Variants in ZDHHC13 observed in about 807,000 individuals in gnomAD.
ZDHHC13 encodes the protein zDHHC palmitoyltransferase 13, also known as palmitoyltransferase ZDHHC13.
ZDHHC13 carries 85 observed loss-of-function variants against 86.0 expected under a neutral mutation model. The ratio of observed to expected loss-of-function variants is 0.99; its 90% CI spans 0.83 to 1.18. The LOEUF (loss-of-function observed/expected upper bound fraction) is 1.18. Ranked by LOEUF, ZDHHC13 falls within the 50% of genes most tolerant of loss-of-function variation. The pLI, the probability that ZDHHC13 is intolerant of heterozygous loss-of-function variation, is 0.00. For missense variants in ZDHHC13, 711 were observed against 730.2 expected, an observed-to-expected ratio of 0.97 and a Z score of 0.30; for synonymous variants, 263 against 246.4, an observed-to-expected ratio of 1.07 and a Z score of -0.63.
Position 19,152,542 on chromosome 11 carries a change from C to G in ZDHHC13, c.748-17C>G. On this transcript the variant is annotated splice_polypyrimidine_tract_variant and intron_variant, in intron 7 of 16. Coordinates refer to ENST00000446113, the MANE Select transcript of ZDHHC13 (RefSeq NM_019028.3). ...ATTAAAAATACTTTTAAACTTTTTA[C>G]CCTACTCTTTTTTAAGGGAGAAACA... The G allele has an allele frequency of 6.3e-7, 1 of 1,581,910 alleles. No homozygotes were observed. The highest frequency in any genetic ancestry group is 1.4e-5 in the African/African-American group (1 of 73,180).
At chr11:19,135,683 T>A (rs1326697254) in intron 1 of ZDHHC13, among the ~76,000 whole-genome samples, 1 of 152,234 alleles carries the variant, frequency 6.6e-6, no homozygotes, top group African/African-American at 2.4e-5. Context: ...GTCTGACAGC[T>A]TTGAAGAGAG....
rs558879203 is a variant in ZDHHC13, at chr11:19,135,538, C to A, written c.28-7440C>A. 1.1e-3 allele frequency among the ~76,000 whole-genome samples: 171 copies of A among 152,384 alleles called. 1 individual carries two copies. Among genetic ancestry groups the A allele is most frequent in the African/African-American group, 4.0e-3 (167 of 41,594 alleles). On this transcript the variant is annotated intron_variant, in intron 1 of 16. Transcript: ENST00000446113. Reference sequence around the variant, plus strand: ...CCCAGGCTTGCTGAGGTAAACAAAGCAGCCGGGAAGCTCGAACTGGGTGGA... The same window carrying A: ...CCCAGGCTTGCTGAGGTAAACAAAGAAGCCGGGAAGCTCGAACTGGGTGGA...
chr11:19,155,960 A>C, intron 9 of ZDHHC13, 31 bp downstream of exon 9: 1 of 1,572,854 alleles, frequency 6.4e-7, no homozygotes, highest in Non-Finnish European at 8.6e-7. Flanking sequence ...AAGGCTGGTT[A>C]TTGTGTTTCT....
intron 1 of ZDHHC13, among the ~76,000 whole-genome samples, chr11:19,120,034 C>G (rs1848729211): frequency 6.6e-6 from 1 of 152,058 alleles, no homozygotes; most frequent in Non-Finnish European, 1.5e-5. Context: ...AAATTAATGC[C>G]CACTGTAACT....
intron 14 of ZDHHC13, chr11:19,166,673 T>C: frequency 4.9e-6 from 1 of 204,786 alleles, no homozygotes; most frequent in Non-Finnish European, 9.5e-6. Context: ...AGAAGGAAAG[T>C]CAGCTGCTGA....
At chr11:19,142,583 C>G (rs1456268581) in intron 1 of ZDHHC13, among the ~76,000 whole-genome samples, 2 of 152,174 alleles carry the variant, frequency 1.3e-5, no homozygotes, top group African/African-American at 4.8e-5. Flanking sequence ...AGCAATGGTC[C>G]TCTGCCCACT....
At chr11:19,118,958 A>G (rs1590055520) in intron 1 of ZDHHC13, 1 of 152,340 alleles carries the variant, frequency 6.6e-6, no homozygotes, top group East Asian at 1.9e-4. Flanking sequence ...TCTGCCAGGC[A>G]CCGTTTTAGG....
chr11:19,164,287 T>G lies in ZDHHC13; in HGVS notation c.1234-14T>G. The G allele has an allele frequency of 1.2e-6, 2 of 1,612,556 alleles. No homozygotes were observed. The highest frequency in any genetic ancestry group is 1.7e-6 in the Non-Finnish European group (2 of 1,179,294). On this transcript the variant is annotated splice_polypyrimidine_tract_variant and intron_variant, in intron 11 of 16. Coordinates refer to ENST00000446113, the MANE Select transcript of ZDHHC13 (RefSeq NM_019028.3). The stretch of plus-strand genomic sequence containing the variant: ...AATAAAATGTGGTAATAGGTCAAAC[T>G]TCATGTCTTTCAGAATATCATCACC...
chr11:19,139,267 A>C (rs1327752873), intron 1 of ZDHHC13, among the ~76,000 whole-genome samples: 3 of 152,166 alleles, frequency 2.0e-5, no homozygotes, highest in Non-Finnish European at 4.4e-5. Context: ...TTATACACCA[A>C]CAACAGACAA....
At position 19,143,046 on chromosome 11, in the gene ZDHHC13, CAAA is replaced by C; in HGVS notation, c.97_99del (p.Lys33del). 1.2e-6 allele frequency: 2 copies of C among 1,612,998 alleles called. No individual in the cohort carries two copies. The highest frequency in any genetic ancestry group is 1.7e-6 in the Non-Finnish European group (2 of 1,179,494). On this transcript the variant is annotated inframe_deletion, in exon 2 of 17. Coordinates refer to ENST00000446113, the MANE Select transcript of ZDHHC13 (RefSeq NM_019028.3). ...GATATGGCATCTGTGCACATGAAAA[CAAA>C]GAACTTGCCAATGCAAGAGAAGCTC...
At chr11:19,145,810 T>C (rs566904511) in intron 2 of ZDHHC13, among the ~76,000 whole-genome samples, 51 of 152,324 alleles carry the variant, frequency 3.3e-4, no homozygotes, top group African/African-American at 1.2e-3. Flanking sequence ...TTATCCCTTA[T>C]TGTGAGATTA....
intron 2 of ZDHHC13, among the ~76,000 whole-genome samples, chr11:19,143,898 A>G (rs1014913308): frequency 1.1e-4 from 17 of 152,254 alleles, no homozygotes; most frequent in Admixed American, 9.8e-4. Context: ...GTAATCAAAC[A>G]TAAATCTGCC....
intron 2 of ZDHHC13, among the ~76,000 whole-genome samples, chr11:19,145,789 G>A (rs964962225): frequency 6.6e-6 from 1 of 152,094 alleles, no homozygotes; most frequent in Non-Finnish European, 1.5e-5. Flanking sequence ...TTCTAAGTTT[G>A]CTTTTAGTCT....
Position 19,175,941 on chromosome 11 carries a change from A to G in ZDHHC13, c.1850A>G (p.Lys617Arg), listed in dbSNP as rs749948616. 6.2e-7 allele frequency: 1 copy of G among 1,610,832 alleles called. No individual in the cohort carries two copies. The highest frequency in any genetic ancestry group is 2.2e-5 in the East Asian group (1 of 44,796). Residue 617 changes from lysine (K) to arginine (R), a missense_variant, in exon 17 of 17, where the codon AAG (lysine) becomes AGG (arginine). By Grantham distance (26) the Lys-to-Arg change is conservative. Transcript: ENST00000446113. The stretch of plus-strand genomic sequence containing the variant: ...ATGGTCTTTCACCCAGCCAGGGAGA[A>G]GGTTCTTCGCTCAGTATGAAGAAAA... Reference protein sequence around the residue: ...YTMVFHPAREKVLRSV With the variant: ...YTMVFHPARERVLRSV
At chr11:19,123,456 T>G (rs1041916717) in intron 1 of ZDHHC13, among the ~76,000 whole-genome samples, 1 of 151,894 alleles carries the variant, frequency 6.6e-6, no homozygotes, top group Non-Finnish European at 1.5e-5. Flanking sequence ...ACGAGACCAG[T>G]CTGGGCAACA....
chr11:19,147,459 A>T, intron 3 of ZDHHC13, 137 bp from the exon 4 acceptor site: 1 of 676,166 alleles, frequency 1.5e-6, no homozygotes, highest in Non-Finnish European at 2.4e-6. Flanking sequence ...ATTTCTATAG[A>T]TCTGGGTGTT....
At chr11:19,157,916 T>C (rs1352373911) in intron 9 of ZDHHC13, among the ~76,000 whole-genome samples, 2 of 152,208 alleles carry the variant, frequency 1.3e-5, no homozygotes, top group African/African-American at 4.8e-5. Context: ...ACAGGGCAGT[T>C]GCTTATTGAT....
intron 14 of ZDHHC13, chr11:19,169,114 A>C: frequency 2.0e-6 from 2 of 985,482 alleles, no homozygotes; most frequent in Non-Finnish European, 2.4e-6. Flanking sequence ...TGAAAACTTC[A>C]GTGTGAGATC....
At chr11:19,157,191 T>C (rs911921922) in intron 9 of ZDHHC13, among the ~76,000 whole-genome samples, 3 of 152,232 alleles carry the variant, frequency 2.0e-5, no homozygotes, top group Non-Finnish European at 2.9e-5. Flanking sequence ...TTTATTTTCT[T>C]GTAGCACTTA....
Sources: gnomAD v4.1 joint callset for allele counts (sites outside exome capture counted in the v4.1 genomes callset) on GRCh38, gnomAD v4.1.1 for gene constraint, MANE v1.5 for transcripts, NCBI Gene and HGNC (gene_info 2026-07-23, HGNC 2026-07-21) for gene names.